The following NFIA variants were observed in gnomAD, a reference collection of about 807,000 sequenced individuals.
NFIA encodes nuclear factor 1 A-type.
NFIA carries 8 observed loss-of-function variants against 62.8 expected under a neutral mutation model. The ratio of observed to expected loss-of-function variants is 0.13; its 90% CI spans 0.07 to 0.23. NFIA has a LOEUF of 0.23. NFIA is among the 10% of genes least tolerant of loss of function. The pLI, the probability that NFIA is intolerant of heterozygous loss-of-function variation, is 1.00. For synonymous variants in NFIA, 235 were observed against 238.1 expected, an observed-to-expected ratio of 0.99 and a Z score of 0.12; for missense variants, 410 against 642.1, an observed-to-expected ratio of 0.64 and a Z score of 3.91.
chr1:61,404,889 T>C (rs1557761541), intron 8 of NFIA, among the ~76,000 whole-genome samples: 1 of 152,228 alleles, frequency 6.6e-6, no homozygotes, highest in Non-Finnish European at 1.5e-5. Context: ...TTTCCTCAAA[T>C]AAACCAAATA....
In NFIA at chr1:61,404,123, A is replaced by G. The variant is rs370700410; in HGVS notation, c.1095A>G (p.Pro365=). Residue 365 remains proline, a synonymous_variant, in exon 8 of 11, where the codon CCA becomes CCG. Coordinates refer to ENST00000403491, the MANE Select transcript of NFIA (RefSeq NM_001134673.4). The part of the protein sequence containing the change: ...TGPRASPHAT[P]STLHFPTSPI... ...CTGCAGCAAGTCCGCATGCAACACC[A>G]TCGACTCTTCATTTCCCGACATCAC... 1.3e-5 allele frequency: 21 copies of G among 1,613,982 alleles called. No individual in the cohort carries two copies. The African/African-American group carries it at 2.3e-4, about 17-fold the overall frequency.
intron 2 of NFIA, among the ~76,000 whole-genome samples, chr1:61,146,643 C>T (rs932784277): frequency 5.9e-5 from 9 of 152,100 alleles, no homozygotes; most frequent in African/African-American, 1.7e-4. Context: ...TTCTGTGTCA[C>T]GCTCTGTGTA....
At chr1:61,112,264 C>A (rs1206121569) in intron 2 of NFIA, among the ~76,000 whole-genome samples, 1 of 152,018 alleles carries the variant, frequency 6.6e-6, no homozygotes, top group Non-Finnish European at 1.5e-5. Flanking sequence ...TAGAATCCTT[C>A]ATTTTTAGTA....
At chr1:61,130,793 A>G (rs1647059322) in intron 2 of NFIA, among the ~76,000 whole-genome samples, 1 of 152,212 alleles carries the variant, frequency 6.6e-6, no homozygotes, top group African/African-American at 2.4e-5. Flanking sequence ...TATGTGGACC[A>G]AGGTCAGGTT....
chr1:61,129,053 G>A (rs996393719), intron 2 of NFIA, among the ~76,000 whole-genome samples: 3 of 148,936 alleles, frequency 2.0e-5, no homozygotes, highest in African/African-American at 7.4e-5. Flanking sequence ...CTCCTGAGTA[G>A]CTGGGACTAC....
intron 10 of NFIA, among the ~76,000 whole-genome samples, chr1:61,439,953 C>T (rs1018266286): frequency 6.6e-6 from 1 of 152,178 alleles, no homozygotes; most frequent in Non-Finnish European, 1.5e-5. Context: ...TGGCTTATAC[C>T]TGTAGACCCT....
In NFIA at chr1:61,245,699, G is replaced by GT. The variant is rs898390049; in HGVS notation, c.560-31813dup. On this transcript the variant is annotated intron_variant, in intron 2 of 10. Transcript: ENST00000403491. ...TCAAGACATTTAGGTTTTTATTTTT[G>GT]TTTTTTTTAAAACTTTGGATTATCA... Among the ~76,000 whole-genome samples the GT allele has an allele frequency of 1.6e-4, 24 of 151,288 alleles. No homozygotes were observed. In the South Asian group the frequency reaches 2.1e-3, roughly 13 times the overall value.
chr1:61,200,480 C>T (rs535733735), intron 2 of NFIA, among the ~76,000 whole-genome samples: 3 of 152,150 alleles, frequency 2.0e-5, no homozygotes, highest in South Asian at 2.1e-4. Context: ...AAACACTGGC[C>T]TTTATATAGC....
rs538356586 is a variant in NFIA at position 61,179,802 on chromosome 1, A to G, written c.559+91122A>G. Among the ~76,000 whole-genome samples the G allele has an allele frequency of 2.1e-3, 322 of 152,236 alleles. 2 individuals carry two copies. The highest frequency in any genetic ancestry group is 0.01 in the Middle Eastern group (3 of 294). On this transcript the variant is annotated intron_variant, in intron 2 of 10. Transcript: ENST00000403491. ...GAGACTGTATTTCCAATAGCCCCCT[A>G]TCGAGTGCAGAGATGTTTTGGGGGG...
At chr1:61,311,346 G>A (rs192212352) in intron 3 of NFIA, among the ~76,000 whole-genome samples, 56 of 152,166 alleles carry the variant, frequency 3.7e-4, no homozygotes, top group Middle Eastern at 6.8e-3. Flanking sequence ...AGCCGAGATC[G>A]CGACATTGCA....
At chr1:61,367,034 T>C (rs1663627674) in intron 6 of NFIA, among the ~76,000 whole-genome samples, 1 of 152,232 alleles carries the variant, frequency 6.6e-6, no homozygotes, top group Non-Finnish European at 1.5e-5. Context: ...AATATTTCGG[T>C]AAACATCTGG....
chr1:61,277,992 A>G (rs1657913686), intron 3 of NFIA, among the ~76,000 whole-genome samples: 1 of 152,038 alleles, frequency 6.6e-6, no homozygotes, highest in South Asian at 2.1e-4. Flanking sequence ...ATTTAAGATC[A>G]TTCATTCACA....
At chr1:61,273,233 A>G (rs553023441) in intron 2 of NFIA, among the ~76,000 whole-genome samples, 3 of 152,300 alleles carry the variant, frequency 2.0e-5, no homozygotes, top group East Asian at 1.9e-4. Context: ...TGTAATTTTT[A>G]AATGTGTGAA....
chr1:61,454,158 A>ATAG (rs949734605), intron 10 of NFIA, among the ~76,000 whole-genome samples: 1 of 152,234 alleles, frequency 6.6e-6, no homozygotes, highest in African/African-American at 2.4e-5. Context: ...ACCCTTTCTG[A>ATAG]TACCGTCAAC....
chr1:61,242,575 C>T (rs1655409541), intron 2 of NFIA, among the ~76,000 whole-genome samples: 1 of 152,058 alleles, frequency 6.6e-6, no homozygotes, highest in Non-Finnish European at 1.5e-5. Flanking sequence ...GAATTTGTTT[C>T]CACAAGTTGT....
chr1:61,322,929 A>G (rs892106466), intron 3 of NFIA, among the ~76,000 whole-genome samples: 1 of 152,216 alleles, frequency 6.6e-6, no homozygotes, highest in Non-Finnish European at 1.5e-5. Flanking sequence ...GAAGCAGTAA[A>G]TTAAATATTG....
At chr1:61,424,177 G>C (rs778471164) in intron 9 of NFIA, among the ~76,000 whole-genome samples, 33 of 152,148 alleles carry the variant, frequency 2.2e-4, no homozygotes, top group Non-Finnish European at 3.2e-4. Context: ...GAAAATATCT[G>C]ATTGTTGGCC....
chr1:61,323,183 T>C (rs554005254), intron 3 of NFIA, among the ~76,000 whole-genome samples: 1 of 152,342 alleles, frequency 6.6e-6, no homozygotes, highest in South Asian at 2.1e-4. Flanking sequence ...AATTTCTTAA[T>C]GTGTCATGAT....
chr1:61,128,529 G>A (rs912127720), intron 2 of NFIA, among the ~76,000 whole-genome samples: 8 of 152,048 alleles, frequency 5.3e-5, no homozygotes, highest in Non-Finnish European at 1.0e-4. Context: ...GTTTGAGTCC[G>A]GGAGGTGGAG....
Sources: allele counts gnomAD v4.1 joint callset (sites outside exome capture counted in the v4.1 genomes callset), GRCh38; gene constraint gnomAD v4.1.1; transcripts MANE v1.5; gene names NCBI Gene and HGNC (gene_info 2026-07-23, HGNC 2026-07-21).